PSMD11: variants seen among roughly 807,000 people sequenced by gnomAD.
PSMD11 encodes proteasome 26S subunit, non-ATPase 11.
In PSMD11, 5 loss-of-function variants were observed where a neutral mutation model predicts 62.3. That is an observed-to-expected ratio of 0.08 (90% confidence interval 0.04 to 0.17). The LOEUF (loss-of-function observed/expected upper bound fraction) is 0.17. Among genes scored for constraint, PSMD11 ranks in the 10% least tolerant of loss-of-function variants. The probability of loss-of-function intolerance (pLI) is 1.00; values close to 1 mark genes in which losing one functional copy is unlikely to be tolerated. For synonymous variants in PSMD11, 191 were observed against 191.8 expected (o/e 1.00, Z 0.03); for missense variants, 310 against 512.9 (o/e 0.60, Z 3.82).
intron 6 of PSMD11, among the ~76,000 whole-genome samples, chr17:32,471,720 G>T (rs138890930): frequency 1.0e-3 from 156 of 152,246 alleles, no homozygotes; most frequent in African/African-American, 3.6e-3. Context: ...AAGAAAGATG[G>T]TACAGTATGT....
At chr17:32,474,586 G>A (rs1254489370) in intron 7 of PSMD11, among the ~76,000 whole-genome samples, 178 bp from the exon 8 acceptor site, 1 of 152,200 alleles carries the variant, frequency 6.6e-6, no homozygotes, top group African/African-American at 2.4e-5. Context: ...CTGTGACCCA[G>A]AGTGGAGAAA....
chr17:32,477,755 A>G (rs1378701737), intron 9 of PSMD11, 172 bp downstream of exon 9: 1 of 438,334 alleles, frequency 2.3e-6, no homozygotes, highest in Admixed American at 4.1e-5. Context: ...ACTTTGTACA[A>G]TGAAACTTAC....
intron 2 of PSMD11, among the ~76,000 whole-genome samples, chr17:32,448,516 C>T (rs912834791): frequency 6.6e-6 from 1 of 151,682 alleles, no homozygotes; most frequent in Non-Finnish European, 1.5e-5. Context: ...TGCCAGCATG[C>T]GCCACTATGC....
chr17:32,446,447 C>T (rs928116903), intron 1 of PSMD11, among the ~76,000 whole-genome samples: 6 of 152,316 alleles, frequency 3.9e-5, no homozygotes, highest in Non-Finnish European at 7.3e-5. Context: ...CCCTAACACA[C>T]CCATCAGCTG....
At position 32,464,138 on chromosome 17, in the gene PSMD11, A is replaced by G. The variant is rs1907923189; in HGVS notation, c.390+18A>G. The G allele has an allele frequency of 6.2e-7, 1 of 1,601,034 alleles. No individual in the cohort carries two copies. Among genetic ancestry groups the G allele is most frequent in the Non-Finnish European group, 8.6e-7 (1 of 1,168,054 alleles). ...CTTTGGAGGTAGGTTTTACATTAGT[A>G]CTCATTTCAGGTCTCTAAGCATGAG... On this transcript the variant is annotated intron_variant, in intron 4 of 13. Coordinates refer to ENST00000261712, the MANE Select transcript of PSMD11 (RefSeq NM_002815.4).
At chr17:32,473,126 C>T (rs2150838298) in intron 6 of PSMD11, among the ~76,000 whole-genome samples, 1 of 150,978 alleles carries the variant, frequency 6.6e-6, no homozygotes, top group South Asian at 2.1e-4. Flanking sequence ...CCATTGCACT[C>T]CAGCCTCAGT....
chr17:32,453,636 A>G (rs1016991101), intron 2 of PSMD11, among the ~76,000 whole-genome samples: 5 of 152,176 alleles, frequency 3.3e-5, no homozygotes, highest in African/African-American at 1.2e-4. Context: ...GTGAGTCTGC[A>G]ATTGGAGAAT....
At chr17:32,468,406 C>G (rs951966579) in intron 5 of PSMD11, among the ~76,000 whole-genome samples, 5 of 150,932 alleles carry the variant, frequency 3.3e-5, no homozygotes, top group African/African-American at 1.2e-4. Flanking sequence ...ATTGCCAAAT[C>G]CAAAGCCACA....
Position 32,444,527 on chromosome 17 carries a change from G to T in PSMD11, c.4G>T (p.Ala2Ser), listed in dbSNP as rs777488298. 9 of 1,593,458 alleles carry T rather than the reference G, an allele frequency of 5.6e-6. No homozygotes were observed. Among genetic ancestry groups the T allele is most frequent in the South Asian group, 3.4e-5 (3 of 89,256 alleles). The change falls in exon 1 of 14, where the codon GCG becomes TCG. Residue 2 changes from alanine (A) to serine (S), a missense_variant. Transcript: ENST00000261712. ...GGGACGGTGTGAGAGCGGTAAGATGGCGGCGGCGGCGGTGGTGGAGTTCCA... is the reference window on the plus strand; with the variant it reads ...GGGACGGTGTGAGAGCGGTAAGATGTCGGCGGCGGCGGTGGTGGAGTTCCA... M[A>S]AAAVVEFQRA... is the part of the protein sequence containing the mutation.
intron 2 of PSMD11, 26 bp downstream of exon 2, chr17:32,447,072 T>C: frequency 6.6e-7 from 1 of 1,515,824 alleles, no homozygotes; most frequent in Non-Finnish European, 9.1e-7. Context: ...GGATTGTATC[T>C]GAAATGCTCA....
chr17:32,450,992 C>T (rs918956286), intron 2 of PSMD11, among the ~76,000 whole-genome samples: 6 of 150,942 alleles, frequency 4.0e-5, no homozygotes, highest in African/African-American at 7.3e-5. Flanking sequence ...TGTGGTGGTG[C>T]GTGCCTGTGT....
At chr17:32,474,882 CACA>C in intron 8 of PSMD11, 58 bp downstream of exon 8, 1 of 1,487,156 alleles carries the variant, frequency 6.7e-7, no homozygotes, top group Non-Finnish European at 9.4e-7. Context: ...TTTTCAGAGT[CACA>C]ACGTTTGATG....
chr17:32,479,852 T>C lies in PSMD11; in HGVS notation c.1040T>C (p.Ile347Thr). The part of the protein sequence containing the change: ...RVIEPFSRVQ[I>T]EHISSLIKLS... ...GTGTCTCTCTGCCTTTCCTTTTAGA[T>C]TGAACACATATCTAGTCTCATCAAA... Residue 347 changes from isoleucine to threonine, a missense_variant and splice_region_variant, in exon 11 of 14, where the codon ATT (isoleucine) becomes ACT (threonine). This residue lies in a region of PSMD11 where 135 missense variants were observed against 195.4 expected (regional missense o/e 0.69). Coordinates refer to ENST00000261712, the MANE Select transcript of PSMD11 (RefSeq NM_002815.4). The C allele has an allele frequency of 6.2e-7, 1 of 1,613,682 alleles. No homozygotes were observed. Among genetic ancestry groups the C allele is most frequent in the Non-Finnish European group, 8.5e-7 (1 of 1,179,576 alleles).
chr17:32,459,337 G>A (rs1434363045), intron 3 of PSMD11, among the ~76,000 whole-genome samples: 1 of 151,746 alleles, frequency 6.6e-6, no homozygotes, highest in Non-Finnish European at 1.5e-5. Context: ...TCCCACCTCA[G>A]CCTCCCAAAT....
chr17:32,447,066 T>C lies in PSMD11; in HGVS notation c.193+20T>C. 1.3e-6 allele frequency: 2 copies of C among 1,546,960 alleles called. No individual in the cohort carries two copies. Among genetic ancestry groups the C allele is most frequent in the South Asian group, 1.1e-5 (1 of 88,394 alleles). Reference sequence around the variant, plus strand: ...CTGCAGGTAAGTGCTACACATGGATTGTATCTGAAATGCTCAGTGAAATTC... The same window carrying C: ...CTGCAGGTAAGTGCTACACATGGATCGTATCTGAAATGCTCAGTGAAATTC... On this transcript the variant is annotated intron_variant, in intron 2 of 13. Transcript: ENST00000261712.
chr17:32,479,389 TG>T lies in PSMD11; in HGVS notation c.1038+17del. The T allele has an allele frequency of 6.2e-7, 1 of 1,613,384 alleles. No homozygotes were observed. Among genetic ancestry groups the T allele is most frequent in the Non-Finnish European group, 8.5e-7 (1 of 1,179,552 alleles). On this transcript the variant is annotated intron_variant, in intron 10 of 13. Coordinates refer to ENST00000261712, the MANE Select transcript of PSMD11 (RefSeq NM_002815.4). ...TTCCAGAGTACAGGTGAGAACCCTC[TG>T]GGGACTCCATTTCTGGCCAGGCATT...
intron 6 of PSMD11, among the ~76,000 whole-genome samples, chr17:32,472,842 CTTTTTT>C (rs74197607): frequency 2.4e-5 from 3 of 125,006 alleles, no homozygotes; most frequent in Admixed American, 8.1e-5. Flanking sequence ...CGGCCTTTTT[CTTTTTT>C]TTTTTTTTTT....
At chr17:32,456,657 G>C (rs1040733632) in intron 3 of PSMD11, among the ~76,000 whole-genome samples, 1 of 152,236 alleles carries the variant, frequency 6.6e-6, no homozygotes, top group African/African-American at 2.4e-5. Flanking sequence ...AGCCTCCCCA[G>C]TAGCTGGGAC....
intron 10 of PSMD11, 123 bp downstream of exon 10, chr17:32,479,499 A>G: frequency 3.7e-6 from 5 of 1,337,772 alleles, no homozygotes; most frequent in Non-Finnish European, 5.1e-6. Flanking sequence ...GAGGCCACCA[A>G]GAGCTTGGGC....
Sources: allele counts gnomAD v4.1 joint callset (sites outside exome capture counted in the v4.1 genomes callset), GRCh38; gene constraint gnomAD v4.1.1; regional missense constraint gnomAD v4.1.1; transcripts MANE v1.5; gene names NCBI Gene and HGNC (gene_info 2026-07-23, HGNC 2026-07-21).